The following PRKCB variants were observed in gnomAD, a reference collection of about 807,000 sequenced individuals.
PRKCB encodes the protein protein kinase C beta type.
In PRKCB, 13 loss-of-function variants were observed where a neutral mutation model predicts 81.5. That is an observed-to-expected ratio of 0.16 (90% CI 0.10 to 0.25). The LOEUF (loss-of-function observed/expected upper bound fraction) is 0.25. PRKCB is among the 10% of genes least tolerant of loss of function. The probability of loss-of-function intolerance (pLI) is 1.00; values close to 1 mark genes in which losing one functional copy is unlikely to be tolerated. For missense variants in PRKCB, 509 were observed against 875.7 expected (o/e 0.58, Z 5.29); for synonymous variants, 335 against 321.4 (o/e 1.04, Z -0.45).
chr16:23,942,624 A>G (rs775449090), intron 2 of PRKCB, among the ~76,000 whole-genome samples: 8 of 152,260 alleles, frequency 5.3e-5, no homozygotes, highest in Middle Eastern at 3.2e-3. Context: ...CCTTGCCTAC[A>G]TACTGAGGAT....
chr16:23,949,209 G>A (rs1266336580), intron 2 of PRKCB, among the ~76,000 whole-genome samples: 1 of 152,040 alleles, frequency 6.6e-6, no homozygotes, highest in Non-Finnish European at 1.5e-5. Flanking sequence ...AAGAAAGAAC[G>A]AACAAACAAA....
chr16:24,015,627 G>A (rs1002377649), intron 3 of PRKCB, among the ~76,000 whole-genome samples: 6 of 152,224 alleles, frequency 3.9e-5, no homozygotes, highest in African/African-American at 1.4e-4. Flanking sequence ...AATTCCTTAA[G>A]ATTTCAGCTT....
chr16:23,902,548 C>T (rs1963489245), intron 2 of PRKCB, among the ~76,000 whole-genome samples: 1 of 152,118 alleles, frequency 6.6e-6, no homozygotes, highest in African/African-American at 2.4e-5. Flanking sequence ...TAGCAGTCCC[C>T]ATTTTACAGA....
intron 3 of PRKCB, among the ~76,000 whole-genome samples, chr16:24,012,448 G>T (rs1965216284): frequency 6.6e-6 from 1 of 152,102 alleles, no homozygotes; most frequent in African/African-American, 2.4e-5. Flanking sequence ...GAGGACCCTT[G>T]TTCAACTCCA....
intron 16 of PRKCB, among the ~76,000 whole-genome samples, chr16:24,195,947 G>A (rs1967871188): frequency 6.6e-6 from 1 of 152,102 alleles, no homozygotes; most frequent in Non-Finnish European, 1.5e-5. Flanking sequence ...TGGGATGCCC[G>A]AAGCCCTTTC....
intron 9 of PRKCB, among the ~76,000 whole-genome samples, chr16:24,134,947 GT>G (rs1966860066): frequency 6.7e-6 from 1 of 149,544 alleles, no homozygotes; most frequent in Non-Finnish European, 1.5e-5. Context: ...ACATTTGTGG[GT>G]TTCTCCTTCT....
chr16:24,112,571 G>A (rs1966688585), intron 7 of PRKCB, among the ~76,000 whole-genome samples: 2 of 150,746 alleles, frequency 1.3e-5, no homozygotes, highest in Admixed American at 1.3e-4. Context: ...ACAACAACAA[G>A]AAATTTACGA....
intron 2 of PRKCB, among the ~76,000 whole-genome samples, chr16:23,864,302 A>G (rs948542117): frequency 2.6e-5 from 4 of 152,118 alleles, no homozygotes; most frequent in African/African-American, 9.7e-5. Flanking sequence ...TTAAGAAAAG[A>G]TATTTATTGC....
At chr16:24,168,444 A>G (rs1967379970) in intron 10 of PRKCB, among the ~76,000 whole-genome samples, 1 of 152,118 alleles carries the variant, frequency 6.6e-6, no homozygotes, top group Non-Finnish European at 1.5e-5. Flanking sequence ...AAATATAACC[A>G]AAACATATAT....
At chr16:24,146,151 G>T (rs1056851490) in intron 9 of PRKCB, among the ~76,000 whole-genome samples, 4 of 152,152 alleles carry the variant, frequency 2.6e-5, no homozygotes, top group Non-Finnish European at 5.9e-5. Flanking sequence ...TAGGAGGGAG[G>T]TGTGGATGGA....
At chr16:23,882,100 G>A (rs537151760) in intron 2 of PRKCB, among the ~76,000 whole-genome samples, 1 of 122,454 alleles carries the variant, frequency 8.2e-6, no homozygotes, top group Admixed American at 9.9e-5. Flanking sequence ...TTTTTGACAG[G>A]GTCTCCCTGT....
At chr16:24,058,571 T>A (rs1297674771) in intron 5 of PRKCB, among the ~76,000 whole-genome samples, 2 of 152,158 alleles carry the variant, frequency 1.3e-5, no homozygotes, top group Non-Finnish European at 2.9e-5. Flanking sequence ...CTATGAAGTC[T>A]GATTAATGCC....
intron 2 of PRKCB, among the ~76,000 whole-genome samples, chr16:23,972,516 T>G (rs1383609454): frequency 6.6e-6 from 1 of 152,230 alleles, no homozygotes; most frequent in Admixed American, 6.5e-5. Context: ...TTTCAGTTTT[T>G]AATTTTTTCC....
chr16:24,091,033 A>G (rs984813991), intron 5 of PRKCB, among the ~76,000 whole-genome samples: 1 of 152,144 alleles, frequency 6.6e-6, no homozygotes, highest in Non-Finnish European at 1.5e-5. Context: ...TAATAGGTGC[A>G]TCTTGGTTTA....
At chr16:23,872,413 C>A (rs969221494) in intron 2 of PRKCB, among the ~76,000 whole-genome samples, 1 of 152,086 alleles carries the variant, frequency 6.6e-6, no homozygotes, top group Non-Finnish European at 1.5e-5. Context: ...CCTACCTACT[C>A]GGGGGGCTGT....
At chr16:23,841,985 T>C (rs912288324) in intron 2 of PRKCB, among the ~76,000 whole-genome samples, 3 of 152,122 alleles carry the variant, frequency 2.0e-5, no homozygotes, top group African/African-American at 7.2e-5. Flanking sequence ...TTAAAATTTT[T>C]TGTAGAGATA....
At chr16:24,168,615 A>C in intron 10 of PRKCB, among the ~76,000 whole-genome samples, 1 of 124,588 alleles carries the variant, frequency 8.0e-6, no homozygotes, top group Non-Finnish European at 1.6e-5. Context: ...CAGTGGCACC[A>C]CCATGGCTCA....
chr16:24,048,564 A>C (rs994291439), intron 5 of PRKCB, among the ~76,000 whole-genome samples: 4 of 150,712 alleles, frequency 2.7e-5, no homozygotes, highest in Admixed American at 6.6e-5. Context: ...ATCTCAGCTC[A>C]CTGCAACCTC....
At chr16:23,995,852 C>T (rs1964948777) in intron 3 of PRKCB, among the ~76,000 whole-genome samples, 1 of 152,156 alleles carries the variant, frequency 6.6e-6, no homozygotes, top group Non-Finnish European at 1.5e-5. Flanking sequence ...CAGACTAGGA[C>T]CCAGTTTACA....
Sources: allele counts gnomAD v4.1 joint callset (sites outside exome capture counted in the v4.1 genomes callset), GRCh38; gene constraint gnomAD v4.1.1; transcripts MANE v1.5; gene names NCBI Gene and HGNC (gene_info 2026-07-23, HGNC 2026-07-21).